Variants in ALDH5A1 observed in about 807,000 individuals in gnomAD.
The protein encoded by ALDH5A1 is aldehyde dehydrogenase 5 family member A1.
Under a neutral mutation model 54.7 loss-of-function variants are expected in ALDH5A1, and 33 were observed. That is an observed-to-expected ratio of 0.60 (90% CI 0.46 to 0.81). ALDH5A1 has a LOEUF of 0.81. Ranked by LOEUF, ALDH5A1 falls within the 30% of genes least tolerant of loss-of-function variation. ALDH5A1 has a pLI of 0.00. For synonymous variants in ALDH5A1, 294 were observed against 292.7 expected, an observed-to-expected ratio of 1.00 and a Z score of -0.05; for missense variants, 657 against 711.0, an observed-to-expected ratio of 0.92 and a Z score of 0.86.
chr6:24,503,964 C>G (rs149256569), intron 3 of ALDH5A1, among the ~76,000 whole-genome samples: 1 of 152,242 alleles, frequency 6.6e-6, no homozygotes, highest in East Asian at 1.9e-4. Context: ...TGTGGAACGC[C>G]CAGCTTTCCT....
At chr6:24,496,916 G>A (rs990840530) in intron 1 of ALDH5A1, among the ~76,000 whole-genome samples, 2 of 152,076 alleles carry the variant, frequency 1.3e-5, no homozygotes, top group African/African-American at 4.8e-5. Flanking sequence ...ATTTTGCCAG[G>A]AGCACCATTC....
chr6:24,501,650 G>A (rs1352580861), intron 1 of ALDH5A1, among the ~76,000 whole-genome samples: 6 of 152,176 alleles, frequency 3.9e-5, no homozygotes, highest in Non-Finnish European at 8.8e-5. Flanking sequence ...AGCAGAGGTT[G>A]CAGTGAGGTA....
Position 24,501,819 on chromosome 6 carries a change from T to C in ALDH5A1, c.355-704T>C, listed in dbSNP as rs76873616. Among the ~76,000 whole-genome samples the C allele has an allele frequency of 4.4e-3, 664 of 151,938 alleles. 6 individuals are homozygous for C. The highest frequency in any genetic ancestry group is 0.015 in the African/African-American group (618 of 41,416). On this transcript the variant is annotated intron_variant, in intron 1 of 9. Transcript: ENST00000357578. ...ACAATCAAAAAACACAGAAGTTCAA[T>C]GTATGTTTCCCCAAGCATCTTACTC...
chr6:24,526,100 T>G (rs1319285182), intron 7 of ALDH5A1, among the ~76,000 whole-genome samples: 17 of 152,140 alleles, frequency 1.1e-4, no homozygotes, highest in Non-Finnish European at 1.5e-5. Flanking sequence ...AACCCAAGCT[T>G]AAAACAGCAA....
intron 4 of ALDH5A1, among the ~76,000 whole-genome samples, chr6:24,507,606 C>CTA (rs1258118445): frequency 6.6e-6 from 1 of 151,956 alleles, no homozygotes; most frequent in African/African-American, 2.4e-5. Flanking sequence ...TTTTATATCT[C>CTA]TATAAAGTTT....
chr6:24,527,599 T>G (rs1759842920), intron 7 of ALDH5A1, among the ~76,000 whole-genome samples: 1 of 152,004 alleles, frequency 6.6e-6, no homozygotes, highest in Admixed American at 6.6e-5. Flanking sequence ...TAACAACTAC[T>G]TGAGATTATG....
chr6:24,511,875 T>G, intron 4 of ALDH5A1: 1 of 598,772 alleles, frequency 1.7e-6, no homozygotes, highest in Admixed American at 2.4e-5. Flanking sequence ...GTTGGTGAGC[T>G]CATGTGATTT....
chr6:24,515,146 G>C, intron 4 of ALDH5A1, 21 bp from the exon 5 acceptor site: 1 of 916,728 alleles, frequency 1.1e-6, no homozygotes. Context: ...GTTGGCACAT[G>C]TTTGCTGTTT....
intron 4 of ALDH5A1, chr6:24,511,718 C>T (rs868680352): frequency 5.5e-5 from 22 of 399,966 alleles, no homozygotes; most frequent in Middle Eastern, 6.2e-4. Flanking sequence ...AACTTCTCCC[C>T]TTATTTCTTG....
At chr6:24,498,069 T>C (rs1397936603) in intron 1 of ALDH5A1, among the ~76,000 whole-genome samples, 1 of 152,130 alleles carries the variant, frequency 6.6e-6, no homozygotes, top group Non-Finnish European at 1.5e-5. Context: ...GATCATTATA[T>C]AGAAAGTAGG....
At chr6:24,501,932 T>TGA (rs1764829092) in intron 1 of ALDH5A1, among the ~76,000 whole-genome samples, 1 of 147,596 alleles carries the variant, frequency 6.8e-6, no homozygotes, top group African/African-American at 2.6e-5. Context: ...TATATATGTG[T>TGA]GTGTGTGTAT....
At chr6:24,497,535 G>C (rs527306143) in intron 1 of ALDH5A1, among the ~76,000 whole-genome samples, 4 of 152,130 alleles carry the variant, frequency 2.6e-5, no homozygotes, top group African/African-American at 9.7e-5. Context: ...TTTACAGGGC[G>C]CTGGTTGGTG....
At chr6:24,533,380 C>A in intron 9 of ALDH5A1, 127 bp from the exon 10 acceptor site, 1 of 954,160 alleles carries the variant, frequency 1.0e-6, no homozygotes, top group South Asian at 1.4e-5. Flanking sequence ...GGGACTTTAT[C>A]TGGGAGCAGG....
intron 4 of ALDH5A1, among the ~76,000 whole-genome samples, chr6:24,512,797 C>T (rs1759482899): frequency 6.6e-6 from 1 of 152,214 alleles, no homozygotes; most frequent in African/African-American, 2.4e-5. Context: ...TCAAGCGATT[C>T]TCCTTCCTCA....
At position 24,521,857 on chromosome 6, in the gene ALDH5A1, A is replaced by ATTTTTT. The variant is rs71542679; in HGVS notation, c.1015-890_1015-885dup. Among the ~76,000 whole-genome samples the ATTTTTT allele has an allele frequency of 4.5e-4, 44 of 98,228 alleles. 1 individual carries two copies. The highest frequency in any genetic ancestry group is 1.5e-3 in the African/African-American group (32 of 21,952). 64.4% of individuals were successfully genotyped at this position (98,228 alleles called of 152,430 possible). ...AACAGAGTGAGACTCTGTCTCTACA[A>ATTTTTT]TTTTTTTTTTTTTTTTTTTTTTTTT... On this transcript the variant is annotated intron_variant, in intron 6 of 9. Coordinates refer to ENST00000357578, the MANE Select transcript of ALDH5A1 (RefSeq NM_001080.3).
chr6:24,520,222 A>T (rs576990006), intron 5 of ALDH5A1, among the ~76,000 whole-genome samples, 179 bp from the exon 6 acceptor site: 1 of 152,278 alleles, frequency 6.6e-6, no homozygotes, highest in Non-Finnish European at 1.5e-5. Context: ...ATGTTTCTTT[A>T]TCAAATACAA....
At position 24,495,238 on chromosome 6, in the gene ALDH5A1, C is replaced by G. The variant is rs967891910; in HGVS notation, c.242C>G (p.Pro81Arg). The part of the protein sequence containing the change: ...PAAATFPVQD[P>R]ASGAALGMVA... ...GCCGCCACCTTCCCCGTGCAAGACC[C>G]GGCCAGCGGCGCCGCTCTGGGCATG... Residue 81 changes from proline to arginine, a missense_variant, in exon 1 of 10, where the codon CCG becomes CGG. Transcript: ENST00000357578. The G allele has an allele frequency of 2.6e-6, 4 of 1,523,498 alleles. No individual in the cohort carries two copies. Among genetic ancestry groups the G allele is most frequent in the African/African-American group, 2.8e-5 (2 of 70,988 alleles). The allele number at this position is 1,523,498 out of a possible 1,614,324, so 94.4% of individuals were successfully genotyped here.
chr6:24,535,539 C>T lies in ALDH5A1; in HGVS notation c.*1827C>T, dbSNP rs1047538312. 1.1e-4 allele frequency: 17 copies of T among 152,220 alleles called. No homozygotes were observed. Among genetic ancestry groups the T allele is most frequent in the African/African-American group, 3.4e-4 (14 of 41,440 alleles). 9.4% of individuals were successfully genotyped at this position (152,220 alleles called of 1,614,324 possible). A position where few individuals can be genotyped will look rare whatever the true frequency, so the allele number is the denominator to read the frequency against. On this transcript the variant is annotated 3_prime_UTR_variant, in exon 10 of 10. Transcript: ENST00000357578. ...TTAAGAATACAAATGCTGGGCTGGGCACAGTGGCTCACGCCTGTAATCCCA... is the reference window on the plus strand; with the variant it reads ...TTAAGAATACAAATGCTGGGCTGGGTACAGTGGCTCACGCCTGTAATCCCA...
chr6:24,530,124 C>T (rs1267648694), intron 8 of ALDH5A1, among the ~76,000 whole-genome samples: 2 of 152,160 alleles, frequency 1.3e-5, no homozygotes, highest in Non-Finnish European at 2.9e-5. Context: ...CTTGTCTCTT[C>T]ATTCCATCTC....
Sources: gnomAD v4.1 joint callset for allele counts (sites outside exome capture counted in the v4.1 genomes callset) on GRCh38, gnomAD v4.1.1 for gene constraint, MANE v1.5 for transcripts, NCBI Gene and HGNC (gene_info 2026-07-23, HGNC 2026-07-21) for gene names.